FAF1: variants seen among roughly 807,000 people sequenced by gnomAD.
The protein encoded by FAF1 is Fas associated factor 1, also known as FAS-associated factor 1.
A neutral mutation model predicts 92.5 loss-of-function variants in FAF1; 25 were observed. That is an observed-to-expected ratio of 0.27 (90% CI 0.20 to 0.38). FAF1 has a LOEUF of 0.38. Ranked by LOEUF, FAF1 falls within the 10% of genes least tolerant of loss-of-function variation. The pLI, the probability that FAF1 is intolerant of heterozygous loss-of-function variation, is 1.00. For synonymous variants in FAF1, 234 were observed against 273.2 expected (o/e 0.86, Z 1.42); for missense variants, 636 against 793.3 (o/e 0.80, Z 2.38).
chr1:50,664,904 C>T (rs1435433301), intron 7 of FAF1, among the ~76,000 whole-genome samples: 1 of 152,306 alleles, frequency 6.6e-6, no homozygotes, highest in African/African-American at 2.4e-5. Flanking sequence ...TCAGACAAGA[C>T]CTTGTCACGA....
At chr1:50,777,157 A>G (rs1313655764) in intron 4 of FAF1, among the ~76,000 whole-genome samples, 2 of 152,034 alleles carry the variant, frequency 1.3e-5, no homozygotes, top group Non-Finnish European at 2.9e-5. Flanking sequence ...CACACCTGTA[A>G]TCCCAGTCCT....
intron 6 of FAF1, among the ~76,000 whole-genome samples, chr1:50,737,031 CT>C (rs1307450922): frequency 6.6e-6 from 1 of 152,118 alleles, no homozygotes; most frequent in African/African-American, 2.4e-5. Context: ...ATTAACATAA[CT>C]TTTACATTAG....
chr1:50,519,911 C>T (rs1647414927), intron 15 of FAF1, among the ~76,000 whole-genome samples: 1 of 152,196 alleles, frequency 6.6e-6, no homozygotes, highest in Non-Finnish European at 1.5e-5. Context: ...ACATGTATCT[C>T]CATCACGGAA....
intron 2 of FAF1, among the ~76,000 whole-genome samples, chr1:50,853,278 T>C (rs1371430501): frequency 1.3e-5 from 2 of 152,102 alleles, no homozygotes; most frequent in Non-Finnish European, 2.9e-5. Context: ...TTGGAGGAAA[T>C]TTCTCAAAGT....
chr1:50,861,133 A>G (rs1406971898), intron 1 of FAF1, among the ~76,000 whole-genome samples: 1 of 151,854 alleles, frequency 6.6e-6, no homozygotes, highest in Non-Finnish European at 1.5e-5. Flanking sequence ...TACCTGAGTG[A>G]CAAGATCATT....
chr1:50,638,270 T>G (rs1297674981), intron 8 of FAF1, among the ~76,000 whole-genome samples: 1 of 152,074 alleles, frequency 6.6e-6, no homozygotes, highest in African/African-American at 2.4e-5. Context: ...AAAGTTTTAT[T>G]TCCTCCTTTC....
At chr1:50,827,443 G>A (rs1399238350) in intron 2 of FAF1, among the ~76,000 whole-genome samples, 1 of 152,132 alleles carries the variant, frequency 6.6e-6, no homozygotes, top group Non-Finnish European at 1.5e-5. Flanking sequence ...TGCTCCTTAA[G>A]AGTCATCACC....
intron 2 of FAF1, among the ~76,000 whole-genome samples, chr1:50,804,402 GTAATTCAT>G (rs1557535776): frequency 6.6e-6 from 1 of 151,980 alleles, no homozygotes; most frequent in Non-Finnish European, 1.5e-5. Context: ...AAAATCTGGA[GTAATTCAT>G]TAAAAACAAA....
intron 6 of FAF1, among the ~76,000 whole-genome samples, chr1:50,717,956 G>A (rs1658245197): frequency 6.6e-6 from 1 of 151,508 alleles, no homozygotes; most frequent in Non-Finnish European, 1.5e-5. Flanking sequence ...AGTTACATGG[G>A]CCCTATATTT....
chr1:50,474,827 T>C (rs984522351), intron 18 of FAF1, among the ~76,000 whole-genome samples: 2 of 152,208 alleles, frequency 1.3e-5, no homozygotes, highest in Non-Finnish European at 2.9e-5. Flanking sequence ...AATAAAAGAT[T>C]AAATACAGAG....
chr1:50,759,841 A>C (rs1557514241), intron 4 of FAF1, among the ~76,000 whole-genome samples: 1 of 152,218 alleles, frequency 6.6e-6, no homozygotes, highest in Non-Finnish European at 1.5e-5. Context: ...AATGATCGTC[A>C]TTCTAACTGG....
intron 4 of FAF1, among the ~76,000 whole-genome samples, chr1:50,784,453 A>T (rs1479936770): frequency 1.3e-5 from 2 of 152,224 alleles, no homozygotes; most frequent in African/African-American, 4.8e-5. Context: ...CAATAGCTTC[A>T]AAAAGAATAA....
chr1:50,808,278 G>A (rs371410899), intron 2 of FAF1, among the ~76,000 whole-genome samples: 26 of 152,202 alleles, frequency 1.7e-4, no homozygotes, highest in African/African-American at 5.5e-4. Context: ...ATATGGAAAA[G>A]AAAGACTAAT....
intron 18 of FAF1, among the ~76,000 whole-genome samples, chr1:50,473,322 G>T (rs1646599721): frequency 6.6e-6 from 1 of 152,042 alleles, no homozygotes; most frequent in Non-Finnish European, 1.5e-5. Context: ...AAATTAATTT[G>T]AAAGAAAATA....
chr1:50,510,185 T>A (rs55827769), intron 15 of FAF1, among the ~76,000 whole-genome samples: 11 of 146,462 alleles, frequency 7.5e-5, no homozygotes, highest in South Asian at 2.2e-4. Flanking sequence ...AAAAAAAAAA[T>A]TTAAATTTAA....
chr1:50,918,103 C>A (rs1468401170), intron 1 of FAF1, among the ~76,000 whole-genome samples: 3 of 151,960 alleles, frequency 2.0e-5, no homozygotes, highest in African/African-American at 7.3e-5. Context: ...CCACCACACC[C>A]TGCCTATATA....
At chr1:50,901,955 G>A (rs1300786972) in intron 1 of FAF1, among the ~76,000 whole-genome samples, 2 of 152,152 alleles carry the variant, frequency 1.3e-5, no homozygotes, top group Non-Finnish European at 2.9e-5. Context: ...AGCTCTTCAA[G>A]CATCTTTGCA....
chr1:50,450,583 C>T (rs772956489), intron 18 of FAF1, among the ~76,000 whole-genome samples: 1 of 152,188 alleles, frequency 6.6e-6, no homozygotes, highest in Non-Finnish European at 1.5e-5. Context: ...TTTGGTGTTC[C>T]AAACAGGAAC....
chr1:50,714,772 A>G (rs1429710007), intron 6 of FAF1, among the ~76,000 whole-genome samples: 3 of 152,052 alleles, frequency 2.0e-5, no homozygotes, highest in Non-Finnish European at 4.4e-5. Context: ...TTTCTTTGCA[A>G]ATTCATTTGC....
Sources: allele counts gnomAD v4.1 joint callset (sites outside exome capture counted in the v4.1 genomes callset), GRCh38; gene constraint gnomAD v4.1.1; transcripts MANE v1.5; gene names NCBI Gene and HGNC (gene_info 2026-07-23, HGNC 2026-07-21).